Variants in KDM2B observed in about 807,000 individuals in gnomAD.
KDM2B encodes the protein lysine-specific demethylase 2B.
A neutral mutation model predicts 150.0 loss-of-function variants in KDM2B; 26 were observed. The ratio of observed to expected loss-of-function variants is 0.17; its 90% CI spans 0.13 to 0.24. The LOEUF is 0.24. Among genes scored for constraint, KDM2B ranks in the 10% least tolerant of loss-of-function variants. KDM2B has a pLI of 1.00. For missense variants in KDM2B, 1,265 were observed against 1,816.9 expected (o/e 0.70, Z 5.52); for synonymous variants, 734 against 729.5 (o/e 1.01, Z -0.10).
Position 121,444,071 on chromosome 12 carries a change from C to T in KDM2B, c.2392G>A (p.Val798Met), listed in dbSNP as rs781861426. Residue 798 changes from valine to methionine, a missense_variant, in exon 16 of 23, where the codon GTG becomes ATG. By Grantham distance (21) the Val-to-Met change is conservative. Coordinates refer to ENST00000377071, the MANE Select transcript of KDM2B (RefSeq NM_032590.5). The stretch of plus-strand genomic sequence containing the variant: ...TATTTCCGCTTCTTCCTCAGGTGCA[C>T]GTCGTCAGACTTTCTGCGCAGAAGG... ...DGLLRRKSDD[V>M]HLRKKRKYEK... is the part of the protein sequence containing the mutation. The T allele has an allele frequency of 6.2e-6, 10 of 1,613,814 alleles. No individual in the cohort carries two copies. The highest frequency in any genetic ancestry group is 5.5e-5 in the South Asian group (5 of 91,076).
At position 121,467,040 on chromosome 12, in the gene KDM2B, G is replaced by T; in HGVS notation, c.1735-13696C>A. On this transcript the variant is annotated intron_variant, in intron 12 of 22. Transcript: ENST00000377071. This position sits in a 1 kb window ranked among gnomAD's most constrained non-coding sequence, Gnocchi z 5.1. ...CCCGGCCGCCCCGCCGGCAGCGGCA[G>T]CAAAACTTTCTCCTCATCGCGGCGG... is the stretch of plus-strand genomic sequence containing the variant. 4.3e-6 allele frequency: 2 copies of T among 460,080 alleles called. No homozygotes were observed. Among genetic ancestry groups the T allele is most frequent in the Non-Finnish European group, 5.8e-6 (2 of 342,236 alleles). The allele number at this position is 460,080 out of a possible 1,614,324, so 28.5% of individuals were successfully genotyped here.
Position 121,549,401 on chromosome 12 carries a change from G to C in KDM2B, c.576+59C>G. On this transcript the variant is annotated intron_variant, in intron 5 of 22. Transcript: ENST00000377071. This position sits in a 1 kb window ranked among gnomAD's most constrained non-coding sequence, Gnocchi z 4.4. The stretch of plus-strand genomic sequence containing the variant: ...CAAGGCACAACCCAGGTGGCAGGGG[G>C]ACAGGGAAGGAGATGAGGTGGAAGG... The C allele has an allele frequency of 6.8e-7, 1 of 1,467,600 alleles. No individual in the cohort carries two copies. Among genetic ancestry groups the C allele is most frequent in the Non-Finnish European group, 9.2e-7 (1 of 1,081,878 alleles). The allele number at this position is 1,467,600 out of a possible 1,614,324, so 90.9% of individuals were successfully genotyped here.
At chr12:121,427,410 C>G (rs782000328), downstream of KDM2B, among the ~76,000 whole-genome samples, 1 of 152,138 alleles carries the variant, frequency 6.6e-6, no homozygotes, top group Admixed American at 6.5e-5. Flanking sequence ...GGCATGGTGG[C>G]AGGCACCTGT....
chr12:121,561,123 T>C lies in KDM2B; in HGVS notation c.398-11485A>G, dbSNP rs1298360122. On this transcript the variant is annotated intron_variant, in intron 4 of 22. Coordinates refer to ENST00000377071, the MANE Select transcript of KDM2B (RefSeq NM_032590.5). ...TCCAACAGGTTCCAGCTGCGGAAAT[T>C]AGTCCATGGCCCTGTGGCCCCTGCT... 2.0e-5 allele frequency among the ~76,000 whole-genome samples: 3 copies of C among 152,192 alleles called. No homozygotes were observed. In the South Asian group the frequency reaches 6.2e-4, roughly 31 times the overall value.
At chr12:121,579,733 C>T in intron 1 of KDM2B, 2 of 1,465,222 alleles carry the variant, frequency 1.4e-6, no homozygotes, top group Non-Finnish European at 9.1e-7. Context: ...CCCCTCAGCC[C>T]CCCAGATTCC....
chr12:121,419,276 A>G, the KDM2B span, among the ~76,000 whole-genome samples: 1 of 152,216 alleles, frequency 6.6e-6, no homozygotes, highest in Non-Finnish European at 1.5e-5. Flanking sequence ...GCCATGCCCT[A>G]TAGCCTAGGT....
In KDM2B at chr12:121,446,570, CTGAGCTGGGAGGTGAAA is replaced by C. The variant is rs567562668; in HGVS notation, c.1960-1169_1960-1153del. On this transcript the variant is annotated intron_variant, in intron 13 of 22. Coordinates refer to ENST00000377071, the MANE Select transcript of KDM2B (RefSeq NM_032590.5). The stretch of plus-strand genomic sequence containing the variant: ...CGTACCAAAGGAAAAGCACTCGTGA[CTGAGCTGGGAGGTGAAA>C]TGGCCACTTTCTCCACAGATTATTT... Among the ~76,000 whole-genome samples, 316 of 152,334 alleles carry C rather than the reference CTGAGCTGGGAGGTGAAA, an allele frequency of 2.1e-3. 3 individuals carry two copies. Among genetic ancestry groups the C allele is most frequent in the African/African-American group, 7.3e-3 (302 of 41,570 alleles).
intron 12 of KDM2B, among the ~76,000 whole-genome samples, chr12:121,479,389 C>T (rs984928250): frequency 6.6e-6 from 1 of 150,816 alleles, no homozygotes; most frequent in Admixed American, 6.6e-5. Context: ...ATGGCGTGAA[C>T]CCGGGAGGCG....
Position 121,533,668 on chromosome 12 carries a change from G to T in KDM2B, c.778-709C>A, listed in dbSNP as rs1887846571. Among the ~76,000 whole-genome samples the T allele has an allele frequency of 6.6e-6, 1 of 152,216 alleles. No homozygotes were observed. Among genetic ancestry groups the T allele is most frequent in the South Asian group, 2.1e-4 (1 of 4,832 alleles). Reference sequence around the variant, plus strand: ...CAGCCAGAGAAGATGAATGCTGGACGTTCTCGAGCCAAACCCAAGCTTCAA... The same window carrying T: ...CAGCCAGAGAAGATGAATGCTGGACTTTCTCGAGCCAAACCCAAGCTTCAA... On this transcript the variant is annotated intron_variant, in intron 7 of 22. Coordinates refer to ENST00000377071, the MANE Select transcript of KDM2B (RefSeq NM_032590.5). This position sits in a 1 kb window ranked among gnomAD's most constrained non-coding sequence, Gnocchi z 4.1.
intron 10 of KDM2B, among the ~76,000 whole-genome samples, chr12:121,512,511 A>G (rs1350707491): frequency 1.3e-5 from 2 of 151,842 alleles, no homozygotes; most frequent in Non-Finnish European, 2.9e-5. Context: ...TCATCTTTCT[A>G]TCCCCTGGTT....
At position 121,580,202 on chromosome 12, in the gene KDM2B, A is replaced by G. The variant is rs1298550777; in HGVS notation, c.126+584T>C. ...GAGATCTACAAAGTTTTGCACCAACACTTAGGCAGATCCGTTTGCAAAGTC... is the reference window on the plus strand; with the variant it reads ...GAGATCTACAAAGTTTTGCACCAACGCTTAGGCAGATCCGTTTGCAAAGTC... On this transcript the variant is annotated intron_variant, in intron 1 of 22. Coordinates refer to ENST00000377071, the MANE Select transcript of KDM2B (RefSeq NM_032590.5). 3 of 1,398,050 alleles carry G rather than the reference A, an allele frequency of 2.1e-6. No individual in the cohort carries two copies. In the East Asian group the frequency reaches 8.4e-5, roughly 39 times the overall value. The allele number at this position is 1,398,050 out of a possible 1,614,324, so 86.6% of individuals were successfully genotyped here. A position where few individuals can be genotyped will look rare whatever the true frequency, so the allele number is the denominator to read the frequency against.
chr12:121,566,002 A>G (rs1433701162), intron 4 of KDM2B, among the ~76,000 whole-genome samples: 1 of 151,474 alleles, frequency 6.6e-6, no homozygotes, highest in African/African-American at 2.4e-5. Context: ...AAAAGGGGAG[A>G]CCTTGACCTC....
intron 11 of KDM2B, among the ~76,000 whole-genome samples, chr12:121,507,743 G>A (rs1171259950): frequency 6.6e-6 from 1 of 152,206 alleles, no homozygotes; most frequent in Non-Finnish European, 1.5e-5. Flanking sequence ...AGGCACAGTG[G>A]CTCATGCCTG....
intron 12 of KDM2B, among the ~76,000 whole-genome samples, chr12:121,475,780 C>A (rs1315289019): frequency 6.6e-6 from 1 of 151,426 alleles, no homozygotes; most frequent in Non-Finnish European, 1.5e-5. Flanking sequence ...AGAAGACTAA[C>A]CCCCCTGCCC....
chr12:121,446,069 A>G (rs1433973084), intron 13 of KDM2B, among the ~76,000 whole-genome samples: 1 of 152,192 alleles, frequency 6.6e-6, no homozygotes, highest in African/African-American at 2.4e-5. Flanking sequence ...GCTCACCAGC[A>G]GCCATGGGGT....
chr12:121,448,652 C>T (rs1159888401), intron 13 of KDM2B, among the ~76,000 whole-genome samples: 2 of 152,140 alleles, frequency 1.3e-5, no homozygotes, highest in African/African-American at 4.8e-5. Flanking sequence ...CTGGGATATA[C>T]ACGCCATTGG....
chr12:121,440,107 C>T (rs1874722825), intron 21 of KDM2B, 32 bp from the exon 22 acceptor site: 5 of 1,537,530 alleles, frequency 3.3e-6, no homozygotes, highest in Non-Finnish European at 4.4e-6. Flanking sequence ...GGCAACCCGT[C>T]AATCTGACCG....
chr12:121,491,958 T>C (rs1555300021), intron 12 of KDM2B, among the ~76,000 whole-genome samples: 1 of 151,278 alleles, frequency 6.6e-6, no homozygotes, highest in South Asian at 2.1e-4. Context: ...AGCTCAGGAG[T>C]TCAGCCTTGG....
intron 12 of KDM2B, among the ~76,000 whole-genome samples, chr12:121,457,771 CACACAAAT>C (rs1156887952): frequency 6.7e-6 from 1 of 149,850 alleles, no homozygotes; most frequent in African/African-American, 2.5e-5. Context: ...CACACACACA[CACACAAAT>C]ATCTTGGTAT....
Sources: allele counts gnomAD v4.1 joint callset (sites outside exome capture counted in the v4.1 genomes callset), GRCh38; gene constraint gnomAD v4.1.1; non-coding constraint Gnocchi (gnomAD v3.1); transcripts MANE v1.5; gene names NCBI Gene and HGNC (gene_info 2026-07-23, HGNC 2026-07-21).